The following CCNY variants were observed in gnomAD, a reference collection of about 807,000 sequenced individuals.
The protein encoded by CCNY is cyclin-Y.
A neutral mutation model predicts 42.8 loss-of-function variants in CCNY; 19 were observed. The observed-to-expected ratio is 0.44, with a 90% CI of 0.31 to 0.65. The LOEUF is 0.65. CCNY is among the 30% of genes least tolerant of loss of function. CCNY has a pLI of 0.07. For missense variants in CCNY, 370 were observed against 437.3 expected (o/e 0.85, Z 1.37); for synonymous variants, 165 against 162.7 (o/e 1.01, Z -0.11).
intron 1 of CCNY, among the ~76,000 whole-genome samples, chr10:35,365,533 A>C (rs1836791410): frequency 6.6e-6 from 1 of 152,202 alleles, no homozygotes; most frequent in South Asian, 2.1e-4. Flanking sequence ...TTTGTATGTT[A>C]CCTGCTCCTG....
At chr10:35,474,984 G>C (rs1839474568) in intron 1 of CCNY, among the ~76,000 whole-genome samples, 1 of 152,074 alleles carries the variant, frequency 6.6e-6, no homozygotes, top group Non-Finnish European at 1.5e-5. Context: ...CAAGGCTCGA[G>C]AACTACGTGA....
intron 1 of CCNY, among the ~76,000 whole-genome samples, chr10:35,482,261 T>A (rs1839685718): frequency 6.6e-6 from 1 of 152,194 alleles, no homozygotes; most frequent in Non-Finnish European, 1.5e-5. Context: ...GGATAGCCCC[T>A]TCTGTTTTTC....
At chr10:35,514,296 C>G (rs1292254611) in intron 3 of CCNY, among the ~76,000 whole-genome samples, 1 of 152,102 alleles carries the variant, frequency 6.6e-6, no homozygotes, top group African/African-American at 2.4e-5. Context: ...TAACTCAATA[C>G]TTGGGATCTT....
intron 1 of CCNY, among the ~76,000 whole-genome samples, chr10:35,395,214 T>C (rs931946736): frequency 2.6e-5 from 4 of 152,206 alleles, no homozygotes; most frequent in Admixed American, 2.0e-4. Context: ...TGATGGGTAA[T>C]AGTACTGGCT....
intron 1 of CCNY, among the ~76,000 whole-genome samples, chr10:35,347,694 G>C (rs1380117545): frequency 6.6e-6 from 1 of 151,880 alleles, no homozygotes; most frequent in Non-Finnish European, 1.5e-5. Context: ...TCTGTTTTTT[G>C]CTTCTCAAGA....
At chr10:35,353,703 G>A (rs982400287) in intron 1 of CCNY, among the ~76,000 whole-genome samples, 1 of 152,142 alleles carries the variant, frequency 6.6e-6, no homozygotes, top group African/African-American at 2.4e-5. Flanking sequence ...TTTTAAACCA[G>A]TTCTTATAGC....
chr10:35,343,521 C>A (rs1836233016), intron 1 of CCNY, among the ~76,000 whole-genome samples: 1 of 150,024 alleles, frequency 6.7e-6, no homozygotes, highest in East Asian at 2.0e-4. Context: ...TCCTAAGTAA[C>A]TGGGACTACA....
At chr10:35,445,376 G>A (rs1390399051) in intron 1 of CCNY, among the ~76,000 whole-genome samples, 1 of 152,152 alleles carries the variant, frequency 6.6e-6, no homozygotes, top group Non-Finnish European at 1.5e-5. Context: ...TCTTCTCAAG[G>A]CAGTGCACTG....
intron 1 of CCNY, among the ~76,000 whole-genome samples, chr10:35,356,913 G>A (rs1836563829): frequency 6.6e-6 from 1 of 152,054 alleles, no homozygotes; most frequent in African/African-American, 2.4e-5. Context: ...TCCTCCCCGT[G>A]GCTCAGAGTC....
At chr10:35,398,704 A>AAAAACAAAAC (rs144634481) in intron 1 of CCNY, among the ~76,000 whole-genome samples, 213 of 152,320 alleles carry the variant, frequency 1.4e-3, no homozygotes, top group African/African-American at 4.7e-3. Context: ...GTTTTTGTCT[A>AAAAACAAAAC]AAAACAAAAC....
In CCNY at chr10:35,274,478, C is replaced by T. The variant is rs184596153; in HGVS notation, c.-9+23852C>T. On this transcript the variant is annotated intron_variant, in intron 3 of 11. Transcript: ENST00000374706. ...CAGCCCTCTGGACCCCTAAGCATTA[C>T]CCTGATGTCACAGGCTCCTAAACCT... 4.6e-3 allele frequency among the ~76,000 whole-genome samples: 702 copies of T among 152,264 alleles called. 5 individuals carry two copies. Among genetic ancestry groups the T allele is most frequent in the Middle Eastern group, 0.01 (3 of 294 alleles).
At chr10:35,503,425 G>A (rs1208640120) in intron 3 of CCNY, among the ~76,000 whole-genome samples, 1 of 152,180 alleles carries the variant, frequency 6.6e-6, no homozygotes, top group African/African-American at 2.4e-5. Context: ...AGACCTCGCT[G>A]CAAATGAGCG....
At chr10:35,465,557 C>T (rs1839241607) in intron 1 of CCNY, among the ~76,000 whole-genome samples, 1 of 152,200 alleles carries the variant, frequency 6.6e-6, no homozygotes, top group African/African-American at 2.4e-5. Context: ...ACTTCTTGTT[C>T]TGGCACCCAG....
At chr10:35,516,739 G>C (rs1047448783) in intron 4 of CCNY, 116 bp downstream of exon 4, 13 of 651,192 alleles carry the variant, frequency 2.0e-5, no homozygotes, top group Admixed American at 3.3e-5. Flanking sequence ...AAGCTGGTTG[G>C]TTGTGGGGTC....
intron 1 of CCNY, among the ~76,000 whole-genome samples, chr10:35,387,012 A>G (rs1231562756): frequency 6.6e-6 from 1 of 152,172 alleles, no homozygotes; most frequent in Non-Finnish European, 1.5e-5. Context: ...TTGGGCCAAA[A>G]CATAGCTAGT....
chr10:35,431,883 C>A (rs149655030), intron 1 of CCNY, among the ~76,000 whole-genome samples: 1 of 152,008 alleles, frequency 6.6e-6, no homozygotes, highest in Non-Finnish European at 1.5e-5. Flanking sequence ...AGATTAGCCT[C>A]CTATTGTGAT....
rs1428613067 is a variant in CCNY at position 35,570,549 on chromosome 10, G to A, written c.*1379G>A. The stretch of plus-strand genomic sequence containing the variant: ...TTTGATATGAAATCTAAGAGTGTGA[G>A]TCACTTGCATATGTAATGCTTTGGG... On this transcript the variant is annotated 3_prime_UTR_variant, in exon 10 of 10. Coordinates refer to ENST00000374704, the MANE Select transcript of CCNY (RefSeq NM_145012.6). 1.3e-5 allele frequency: 2 copies of A among 152,342 alleles called. No individual in the cohort carries two copies. The highest frequency in any genetic ancestry group is 1.9e-4 in the East Asian group (1 of 5,334). The allele number at this position is 152,342 out of a possible 1,614,324, so 9.4% of individuals were successfully genotyped here.
chr10:35,494,892 GTC>G (rs1839976675), intron 2 of CCNY, among the ~76,000 whole-genome samples: 1 of 152,194 alleles, frequency 6.6e-6, no homozygotes, highest in Admixed American at 6.5e-5. Context: ...AATAGTGATT[GTC>G]TCTGGATTGT....
chr10:35,524,921 A>G (rs972942512), intron 4 of CCNY, among the ~76,000 whole-genome samples: 4 of 152,212 alleles, frequency 2.6e-5, no homozygotes, highest in East Asian at 3.8e-4. Flanking sequence ...ATGTTTGGCA[A>G]TATGTGTTGA....
Sources: gnomAD v4.1 joint callset for allele counts (sites outside exome capture counted in the v4.1 genomes callset) on GRCh38, gnomAD v4.1.1 for gene constraint, MANE v1.5 for transcripts, NCBI Gene and HGNC (gene_info 2026-07-23, HGNC 2026-07-21) for gene names.